The following INPP4B variants were observed in gnomAD, a reference collection of about 807,000 sequenced individuals.
INPP4B encodes inositol polyphosphate 4-phosphatase type II.
A neutral mutation model predicts 122.5 loss-of-function variants in INPP4B; 55 were observed. That is an observed-to-expected ratio of 0.45 (90% confidence interval 0.36 to 0.56). The LOEUF (loss-of-function observed/expected upper bound fraction) is 0.56. Ranked by LOEUF, INPP4B falls within the 20% of genes least tolerant of loss-of-function variation. INPP4B has a pLI of 0.00. For missense variants in INPP4B, 1,000 were observed against 1,097.7 expected (o/e 0.91, Z 1.26); for synonymous variants, 403 against 388.7 (o/e 1.04, Z -0.43).
chr4:142,423,645 G>GA (rs563181833), intron 5 of INPP4B: 195 of 263,484 alleles, frequency 7.4e-4, no homozygotes, highest in African/African-American at 4.4e-3. Context: ...ATATTGTTGT[G>GA]AAAAAACTGA....
intron 2 of INPP4B, among the ~76,000 whole-genome samples, chr4:142,539,762 A>C (rs1049683908): frequency 6.6e-6 from 1 of 151,918 alleles, no homozygotes; most frequent in African/African-American, 2.4e-5. Flanking sequence ...TATATTATTA[A>C]ATTAAAGAGT....
intron 1 of INPP4B, among the ~76,000 whole-genome samples, chr4:142,768,740 AG>A (rs1276742576): frequency 2.0e-5 from 3 of 152,188 alleles, no homozygotes; most frequent in African/African-American, 4.8e-5. Flanking sequence ...TTTAGAGAAC[AG>A]CCAGGGGATC....
chr4:142,479,735 C>T (rs1223768460), intron 2 of INPP4B, among the ~76,000 whole-genome samples: 1 of 152,072 alleles, frequency 6.6e-6, no homozygotes, highest in Non-Finnish European at 1.5e-5. Context: ...CACATATTCT[C>T]ACTTTTAAGT....
chr4:142,197,199 T>C (rs1838714173), intron 14 of INPP4B, among the ~76,000 whole-genome samples: 1 of 150,800 alleles, frequency 6.6e-6, no homozygotes, highest in Non-Finnish European at 1.5e-5. Flanking sequence ...CCTCAATGCT[T>C]GGCACATGGG....
intron 24 of INPP4B, among the ~76,000 whole-genome samples, chr4:142,083,042 C>G (rs1230113392): frequency 6.6e-6 from 1 of 151,224 alleles, no homozygotes; most frequent in African/African-American, 2.4e-5. Flanking sequence ...GGGAGGATTA[C>G]TTGAGCCTGT....
rs1044266404 is a variant in INPP4B at position 142,023,227 on chromosome 4, GAAC to G, written c.*5552_*5554del. On this transcript the variant is annotated 3_prime_UTR_variant, in exon 26 of 26. Transcript: ENST00000262992. ...GTGTACAATGAATATGGTTTACACA[GAAC>G]AATAAAACAAAAATGATATCTCTTA... 4 of 151,938 alleles carry G rather than the reference GAAC, an allele frequency of 2.6e-5. No individual in the cohort carries two copies. The highest frequency in any genetic ancestry group is 5.9e-5 in the Non-Finnish European group (4 of 67,962). 9.4% of individuals were successfully genotyped at this position (151,938 alleles called of 1,614,324 possible).
At chr4:142,204,199 G>A (rs1286959983) in intron 14 of INPP4B, among the ~76,000 whole-genome samples, 2 of 152,000 alleles carry the variant, frequency 1.3e-5, no homozygotes, top group African/African-American at 4.8e-5. Context: ...TGGTGACCTA[G>A]TCTACATAAC....
chr4:142,645,803 G>T (rs1390240691), intron 2 of INPP4B, among the ~76,000 whole-genome samples: 5 of 152,158 alleles, frequency 3.3e-5, no homozygotes, highest in Non-Finnish European at 7.3e-5. Context: ...CCCCCAAAAT[G>T]GAACCTGGCC....
chr4:142,741,644 C>T (rs1008084959), intron 1 of INPP4B, among the ~76,000 whole-genome samples: 1 of 151,826 alleles, frequency 6.6e-6, no homozygotes, highest in Admixed American at 6.6e-5. Context: ...AAATTATAAT[C>T]GCATAGATGC....
intron 2 of INPP4B, among the ~76,000 whole-genome samples, chr4:142,584,660 A>G (rs1044549465): frequency 1.3e-5 from 2 of 152,080 alleles, no homozygotes; most frequent in Admixed American, 1.3e-4. Flanking sequence ...ACATATCACT[A>G]TTGATTTGAC....
At chr4:142,612,748 C>T (rs935751860) in intron 2 of INPP4B, among the ~76,000 whole-genome samples, 2 of 152,174 alleles carry the variant, frequency 1.3e-5, no homozygotes, top group Admixed American at 6.6e-5. Flanking sequence ...GCTCCACCCT[C>T]ATGACCTAAT....
chr4:142,516,211 A>G (rs1316170158), intron 2 of INPP4B, among the ~76,000 whole-genome samples: 1 of 152,142 alleles, frequency 6.6e-6, no homozygotes, highest in Non-Finnish European at 1.5e-5. Context: ...ATTACTGCAA[A>G]CTGGATATTT....
At chr4:142,754,936 T>C (rs1039715036) in intron 1 of INPP4B, among the ~76,000 whole-genome samples, 3 of 152,030 alleles carry the variant, frequency 2.0e-5, no homozygotes, top group African/African-American at 7.2e-5. Flanking sequence ...GTTGCATTTG[T>C]ATGGCACATC....
At chr4:142,726,980 A>C (rs1765420233) in intron 1 of INPP4B, among the ~76,000 whole-genome samples, 1 of 152,192 alleles carries the variant, frequency 6.6e-6, no homozygotes, top group Non-Finnish European at 1.5e-5. Flanking sequence ...TATTATTATC[A>C]CTGTTCTTTA....
At chr4:142,499,580 T>G (rs1474917684) in intron 2 of INPP4B, among the ~76,000 whole-genome samples, 1 of 152,198 alleles carries the variant, frequency 6.6e-6, no homozygotes, top group Non-Finnish European at 1.5e-5. Flanking sequence ...ATTTACAAAC[T>G]ATTTTTTTGT....
rs775630098 is a variant in INPP4B at position 142,405,166 on chromosome 4, A to AGAGAGC, written c.255+39_255+40insGCTCTC. ...AAGAGCGAGCGAGCCAGCAAGAGAG[A>AGAGAGC]GAGAGAGAGAGAGATTAATGTAGGC... On this transcript the variant is annotated intron_variant, in intron 6 of 25. Coordinates refer to ENST00000262992, the MANE Select transcript of INPP4B (RefSeq NM_001101669.3). 4 of 1,162,182 alleles carry AGAGAGC rather than the reference A, an allele frequency of 3.4e-6. No homozygotes were observed. In the Admixed American group the frequency reaches 6.8e-5, roughly 20 times the overall value. The allele number at this position is 1,162,182 out of a possible 1,614,324, so 72.0% of individuals were successfully genotyped here.
rs1442952561 is a variant in INPP4B, at chr4:142,725,818, T to A, written c.-191+21A>T. ...TAGAGTTATACAGAATGAAAAAATA[T>A]CAATTCAAAATAAGCATTACCTTTG... On this transcript the variant is annotated intron_variant, in intron 2 of 25. Coordinates refer to ENST00000262992, the MANE Select transcript of INPP4B (RefSeq NM_001101669.3). 3 of 397,842 alleles carry A rather than the reference T, an allele frequency of 7.5e-6. No homozygotes were observed. The East Asian group carries it at 1.1e-4, about 14-fold the overall frequency. 24.6% of individuals were successfully genotyped at this position (397,842 alleles called of 1,614,324 possible). A position where few individuals can be genotyped will look rare whatever the true frequency, so the allele number is the denominator to read the frequency against.
chr4:142,093,464 A>C (rs1224592551), intron 23 of INPP4B, among the ~76,000 whole-genome samples: 1 of 152,192 alleles, frequency 6.6e-6, no homozygotes, highest in Non-Finnish European at 1.5e-5. Flanking sequence ...AGCTACAATA[A>C]AAACAGTTTA....
At chr4:142,060,133 T>G (rs1759803517) in intron 25 of INPP4B, among the ~76,000 whole-genome samples, 1 of 152,162 alleles carries the variant, frequency 6.6e-6, no homozygotes, top group African/African-American at 2.4e-5. Context: ...CCAGTGAAAC[T>G]GCCCCATGGG....
Sources: gnomAD v4.1 joint callset for allele counts (sites outside exome capture counted in the v4.1 genomes callset) on GRCh38, gnomAD v4.1.1 for gene constraint, MANE v1.5 for transcripts, NCBI Gene and HGNC (gene_info 2026-07-23, HGNC 2026-07-21) for gene names.